Variants in WAC observed in about 807,000 individuals in gnomAD.
WAC encodes WW domain-containing adapter protein with coiled-coil.
Under a neutral mutation model 79.6 loss-of-function variants are expected in WAC, and 11 were observed. The observed-to-expected ratio is 0.14, with a 90% CI of 0.09 to 0.23. The LOEUF is 0.23. Ranked by LOEUF, WAC falls within the 10% of genes least tolerant of loss-of-function variation. The pLI is 1.00. For missense variants in WAC, 728 were observed against 773.5 expected (o/e 0.94, Z 0.70); for synonymous variants, 304 against 276.9 (o/e 1.10, Z -0.97).
chr10:28,543,794 A>G (rs377369693), intron 3 of WAC, among the ~76,000 whole-genome samples: 6 of 152,350 alleles, frequency 3.9e-5, no homozygotes, highest in African/African-American at 1.2e-4. Flanking sequence ...GTTAATCACT[A>G]GTTTTCATAG....
chr10:28,605,401 A>G (rs1397826824), intron 7 of WAC, among the ~76,000 whole-genome samples: 1 of 152,202 alleles, frequency 6.6e-6, no homozygotes, highest in Non-Finnish European at 1.5e-5. Context: ...TTTTAACTTT[A>G]GAAGTGATTC....
intron 13 of WAC, among the ~76,000 whole-genome samples, chr10:28,618,854 T>C (rs1841585174): frequency 6.6e-6 from 1 of 152,224 alleles, no homozygotes; most frequent in Non-Finnish European, 1.5e-5. Context: ...TACTCTTTAC[T>C]GTATAGTGGG....
chr10:28,537,855 C>T (rs1014566158), intron 3 of WAC, among the ~76,000 whole-genome samples: 14 of 152,112 alleles, frequency 9.2e-5, no homozygotes, highest in African/African-American at 2.4e-4. Context: ...TTGCATCTTT[C>T]CTGATGTTTC....
chr10:28,538,407 C>G lies in WAC; in HGVS notation c.274+2650C>G, dbSNP rs147683741. ...GACCAGCCTGGCCAACGTGGTGAAA[C>G]CCTGTCTCTACTACAAATACAAAAG... On this transcript the variant is annotated intron_variant, in intron 3 of 13. Transcript: ENST00000354911. 5.7e-3 allele frequency: 1,088 copies of G among 191,212 alleles called. 11 individuals carry two copies. Among genetic ancestry groups the G allele is most frequent in the African/African-American group, 0.019 (811 of 42,146 alleles). 11.8% of individuals were successfully genotyped at this position (191,212 alleles called of 1,614,324 possible). A position where few individuals can be genotyped will look rare whatever the true frequency, so the allele number is the denominator to read the frequency against.
intron 3 of WAC, among the ~76,000 whole-genome samples, chr10:28,546,257 A>G (rs1487600997): frequency 6.6e-6 from 1 of 152,220 alleles, no homozygotes; most frequent in Non-Finnish European, 1.5e-5. Context: ...GAATTATGTT[A>G]CATTGGAGTA....
chr10:28,590,968 A>G, intron 6 of WAC, 136 bp downstream of exon 6: 2 of 769,200 alleles, frequency 2.6e-6, no homozygotes, highest in Non-Finnish European at 4.2e-6. Flanking sequence ...TGTTGGATTT[A>G]TTATACCCTC....
intron 3 of WAC, among the ~76,000 whole-genome samples, chr10:28,545,423 T>C (rs1837300185): frequency 6.6e-6 from 1 of 152,092 alleles, no homozygotes; most frequent in Admixed American, 6.5e-5. Flanking sequence ...GAGGTTGTGG[T>C]GAGCTGAGAT....
intron 3 of WAC, among the ~76,000 whole-genome samples, chr10:28,550,068 A>G (rs1397387960): frequency 6.6e-6 from 1 of 151,880 alleles, no homozygotes; most frequent in Non-Finnish European, 1.5e-5. Flanking sequence ...CGGGAGGCTG[A>G]TGAGGCAGGA....
chr10:28,543,885 G>C (rs1322609147), intron 3 of WAC, among the ~76,000 whole-genome samples: 1 of 151,888 alleles, frequency 6.6e-6, no homozygotes, highest in Non-Finnish European at 1.5e-5. Context: ...TTTTGTTGTT[G>C]CTGTTGTTGT....
chr10:28,591,142 C>G, intron 6 of WAC: 1 of 278,222 alleles, frequency 3.6e-6, no homozygotes, highest in South Asian at 3.6e-5. Flanking sequence ...CCTCTCCCAC[C>G]CTACCTGCCT....
chr10:28,603,991 A>ATATATATATATATATATATATGTG, intron 7 of WAC, among the ~76,000 whole-genome samples: 1 of 130,008 alleles, frequency 7.7e-6, no homozygotes, highest in South Asian at 2.4e-4. Flanking sequence ...ATATATATGT[A>ATATATATATATATATATATATGTG]TATATATATA....
intron 3 of WAC, among the ~76,000 whole-genome samples, chr10:28,568,125 T>A (rs537882440): frequency 6.6e-6 from 1 of 152,354 alleles, no homozygotes; most frequent in African/African-American, 2.4e-5. Flanking sequence ...TGATTACATA[T>A]TCTTTTTGGT....
intron 6 of WAC, among the ~76,000 whole-genome samples, chr10:28,592,053 G>A (rs530589896): frequency 6.6e-6 from 1 of 152,232 alleles, no homozygotes; most frequent in South Asian, 2.1e-4. Flanking sequence ...AGATGAAACA[G>A]TAACATACAT....
intron 3 of WAC, among the ~76,000 whole-genome samples, chr10:28,566,709 C>G (rs1020627712): frequency 3.3e-5 from 5 of 152,144 alleles, no homozygotes; most frequent in Admixed American, 2.0e-4. Flanking sequence ...TTTAGTGTTA[C>G]TGTGGAAAAG....
intron 3 of WAC, among the ~76,000 whole-genome samples, chr10:28,551,810 G>A (rs1487925444): frequency 6.8e-6 from 1 of 147,508 alleles, no homozygotes; most frequent in Non-Finnish European, 1.5e-5. Flanking sequence ...GTGTGTGTGT[G>A]TGTGTGTGTT....
At chr10:28,545,119 A>G (rs985324465) in intron 3 of WAC, among the ~76,000 whole-genome samples, 2 of 151,830 alleles carry the variant, frequency 1.3e-5, no homozygotes, top group Non-Finnish European at 2.9e-5. Flanking sequence ...GGCTCCCCTG[A>G]GAAGCTTTTA....
chr10:28,541,425 T>TTG, intron 3 of WAC, among the ~76,000 whole-genome samples: 2 of 137,522 alleles, frequency 1.5e-5, no homozygotes, highest in Non-Finnish European at 3.1e-5. Context: ...GTTTTGTTTT[T>TTG]TTTTTTTTTT....
intron 8 of WAC, 130 bp downstream of exon 8, chr10:28,608,561 T>G: frequency 9.2e-7 from 1 of 1,090,500 alleles, no homozygotes; most frequent in Non-Finnish European, 1.3e-6. Context: ...TTTTTTGTTT[T>G]GTTTTTTGTT....
chr10:28,539,544 A>C (rs554618174), intron 3 of WAC, among the ~76,000 whole-genome samples: 3 of 147,334 alleles, frequency 2.0e-5, no homozygotes, highest in Non-Finnish European at 4.5e-5. Context: ...AAAAACCTTA[A>C]GGTACAATCG....
Sources: allele counts gnomAD v4.1 joint callset (sites outside exome capture counted in the v4.1 genomes callset), GRCh38; gene constraint gnomAD v4.1.1; transcripts MANE v1.5; gene names NCBI Gene and HGNC (gene_info 2026-07-23, HGNC 2026-07-21).